Variants in ZNF148 observed in about 807,000 individuals in gnomAD.
ZNF148 encodes Beta-Enolase Repressor Factor-1.
ZNF148 carries 7 observed loss-of-function variants against 67.7 expected under a neutral mutation model. The ratio of observed to expected loss-of-function variants is 0.10; its 90% CI spans 0.06 to 0.19. The LOEUF (loss-of-function observed/expected upper bound fraction) is 0.19. Among genes scored for constraint, ZNF148 ranks in the 10% least tolerant of loss-of-function variants. The pLI is 1.00. For missense variants in ZNF148, 583 were observed against 947.1 expected, an observed-to-expected ratio of 0.62 and a Z score of 5.05; for synonymous variants, 333 against 330.7, an observed-to-expected ratio of 1.01 and a Z score of -0.08.
At chr3:125,313,241 G>A in intron 4 of ZNF148, 67 bp downstream of exon 4, 1 of 1,303,492 alleles carries the variant, frequency 7.7e-7, no homozygotes, top group Non-Finnish European at 1.1e-6. Context: ...TTTCTTCGAT[G>A]ACTTGCAGTA....
intron 6 of ZNF148, 145 bp downstream of exon 6, chr3:125,278,979 C>T: frequency 1.2e-6 from 1 of 833,234 alleles, no homozygotes; most frequent in Non-Finnish European, 1.7e-6. Context: ...TTCCTGGTTT[C>T]CTTCTGACAT....
chr3:125,336,985 C>T (rs577099341), intron 1 of ZNF148, among the ~76,000 whole-genome samples: 2 of 145,608 alleles, frequency 1.4e-5, no homozygotes, highest in South Asian at 2.2e-4. Flanking sequence ...AGCAATCACC[C>T]TTCTTAAGCC....
At chr3:125,242,406 A>G (rs1223985324) in intron 7 of ZNF148, among the ~76,000 whole-genome samples, 1 of 152,172 alleles carries the variant, frequency 6.6e-6, no homozygotes, top group East Asian at 1.9e-4. Flanking sequence ...GGATCACCTG[A>G]GGTCAGGAGT....
Position 125,268,114 on chromosome 3 carries a change from T to A in ZNF148, c.667+9612A>T, listed in dbSNP as rs184345457. On this transcript the variant is annotated intron_variant, in intron 7 of 8. Coordinates refer to ENST00000360647, the MANE Select transcript of ZNF148 (RefSeq NM_021964.3). ...GTTCCATGTTAATGAACTAGAAGAA[T>A]CAATAACATTAAAATTGTCCATACT... Among the ~76,000 whole-genome samples, 80 of 151,742 alleles carry A rather than the reference T, an allele frequency of 5.3e-4. 1 individual carries two copies. The highest frequency in any genetic ancestry group is 1.9e-3 in the African/African-American group (79 of 41,364).
In ZNF148 at chr3:125,342,620, T is replaced by C. The variant is rs1579854169; in HGVS notation, c.-233-11382A>G. 2.0e-5 allele frequency among the ~76,000 whole-genome samples: 3 copies of C among 151,252 alleles called. No homozygotes were observed. The South Asian group carries it at 6.2e-4, about 31-fold the overall frequency. On this transcript the variant is annotated intron_variant, in intron 1 of 8. Transcript: ENST00000360647. Reference sequence around the variant, plus strand: ...AAAAAAAAAGTCTCTAGCACACCTATCCATAAAAGACTGGCTGAAGAAAAT... The same window carrying C: ...AAAAAAAAAGTCTCTAGCACACCTACCCATAAAAGACTGGCTGAAGAAAAT...
chr3:125,347,802 C>T (rs970056803), intron 1 of ZNF148, among the ~76,000 whole-genome samples: 1 of 152,120 alleles, frequency 6.6e-6, no homozygotes, highest in African/African-American at 2.4e-5. Context: ...ACAGCTGAGA[C>T]TACAGGAGTG....
chr3:125,275,159 A>C (rs775708187), intron 7 of ZNF148, among the ~76,000 whole-genome samples: 6 of 152,234 alleles, frequency 3.9e-5, no homozygotes, highest in Admixed American at 6.5e-5. Flanking sequence ...CTATCCCCTT[A>C]TATCAGTTCC....
At chr3:125,264,002 T>C (rs1162326866) in intron 7 of ZNF148, among the ~76,000 whole-genome samples, 1 of 152,204 alleles carries the variant, frequency 6.6e-6, no homozygotes, top group Non-Finnish European at 1.5e-5. Flanking sequence ...CCCTAAGTAA[T>C]GAGGTTCTGA....
chr3:125,313,296 G>T lies in ZNF148; in HGVS notation c.333+12C>A. 1 of 1,585,462 alleles carries T rather than the reference G, an allele frequency of 6.3e-7. No homozygotes were observed. Among genetic ancestry groups the T allele is most frequent in the South Asian group, 1.1e-5 (1 of 88,568 alleles). On this transcript the variant is annotated intron_variant, in intron 4 of 8. Coordinates refer to ENST00000360647, the MANE Select transcript of ZNF148 (RefSeq NM_021964.3). The stretch of plus-strand genomic sequence containing the variant: ...GTTTCTAAGTTTAATATCTTATAAA[G>T]GAATTACTTACAGGGACATTAAGTG...
intron 4 of ZNF148, among the ~76,000 whole-genome samples, chr3:125,301,127 A>G (rs1939565270): frequency 6.6e-6 from 1 of 152,250 alleles, no homozygotes; most frequent in Non-Finnish European, 1.5e-5. Context: ...TAGTGTGACC[A>G]AGGAACTGAA....
intron 7 of ZNF148, among the ~76,000 whole-genome samples, chr3:125,269,448 C>CAAAAAA (rs34424875): frequency 7.3e-6 from 1 of 136,918 alleles, no homozygotes; most frequent in Non-Finnish European, 1.6e-5. Context: ...ATTAAAATGT[C>CAAAAAA]AAAAAAAAAA....
chr3:125,336,226 G>A (rs945680242), intron 1 of ZNF148, among the ~76,000 whole-genome samples: 9 of 152,148 alleles, frequency 5.9e-5, no homozygotes, highest in African/African-American at 2.2e-4. Flanking sequence ...GCAATGAAAG[G>A]ATAAATTACA....
At chr3:125,280,005 AG>A (rs1475981284) in intron 5 of ZNF148, among the ~76,000 whole-genome samples, 1 of 152,108 alleles carries the variant, frequency 6.6e-6, no homozygotes, top group African/African-American at 2.4e-5. Context: ...TAAAAAAAAA[AG>A]AGAACACTAA....
At chr3:125,241,515 A>G (rs1936359825) in intron 7 of ZNF148, among the ~76,000 whole-genome samples, 1 of 152,112 alleles carries the variant, frequency 6.6e-6, no homozygotes, top group African/African-American at 2.4e-5. Context: ...AAGATAGCAT[A>G]TTTAATTCAC....
At chr3:125,310,635 T>C (rs955559956) in intron 4 of ZNF148, among the ~76,000 whole-genome samples, 2 of 150,914 alleles carry the variant, frequency 1.3e-5, no homozygotes, top group Non-Finnish European at 3.0e-5. Context: ...AAACTGAAAA[T>C]AGGAAATAGA....
chr3:125,267,494 T>C (rs185591199), intron 7 of ZNF148, among the ~76,000 whole-genome samples: 4 of 152,132 alleles, frequency 2.6e-5, no homozygotes, highest in East Asian at 3.9e-4. Context: ...ATCATCTCAA[T>C]AGACACAGAA....
At chr3:125,247,400 T>G (rs1027587643) in intron 7 of ZNF148, among the ~76,000 whole-genome samples, 3 of 152,202 alleles carry the variant, frequency 2.0e-5, no homozygotes, top group Admixed American at 6.5e-5. Flanking sequence ...AGTAGTCTAT[T>G]TCTCAAGTTT....
intron 1 of ZNF148, among the ~76,000 whole-genome samples, chr3:125,365,303 T>C (rs1486486730): frequency 6.6e-6 from 1 of 152,158 alleles, no homozygotes; most frequent in Non-Finnish European, 1.5e-5. Context: ...TGGCAGTCCA[T>C]CAAAGTATCC....
At position 125,257,559 on chromosome 3, in the gene ZNF148, A is replaced by AC. The variant is rs1491115000; in HGVS notation, c.667+20166_667+20167insG. Among the ~76,000 whole-genome samples the AC allele has an allele frequency of 5.6e-4, 5 of 8,870 alleles. No individual in the cohort carries two copies. In the African/African-American group the frequency reaches 7.8e-3, roughly 14 times the overall value. The allele number at this position is 8,870 out of a possible 152,430, so 5.8% of individuals were successfully genotyped here. Reference sequence around the variant, plus strand: ...GACAGAGCGAGACTCCGTCTCTATTAAAAAAAAAAAAAAAAAAAAAAAGTT... The same window carrying AC: ...GACAGAGCGAGACTCCGTCTCTATTACAAAAAAAAAAAAAAAAAAAAAAGTT... On this transcript the variant is annotated intron_variant, in intron 7 of 8. Transcript: ENST00000360647.
Sources: allele counts gnomAD v4.1 joint callset (sites outside exome capture counted in the v4.1 genomes callset), GRCh38; gene constraint gnomAD v4.1.1; transcripts MANE v1.5; gene names NCBI Gene and HGNC (gene_info 2026-07-23, HGNC 2026-07-21).